The following KIAA0319 variants were observed in gnomAD, a reference collection of about 807,000 sequenced individuals.
KIAA0319 encodes the protein dyslexia-associated protein KIAA0319.
A neutral mutation model predicts 108.4 loss-of-function variants in KIAA0319; 83 were observed. The observed-to-expected ratio is 0.77, with a 90% CI of 0.64 to 0.92. The LOEUF (loss-of-function observed/expected upper bound fraction) is 0.92. Ranked by LOEUF, KIAA0319 falls within the 40% of genes least tolerant of loss-of-function variation. The probability of loss-of-function intolerance (pLI) is 0.00; values close to 1 mark genes in which losing one functional copy is unlikely to be tolerated. For synonymous variants in KIAA0319, 484 were observed against 510.4 expected, an observed-to-expected ratio of 0.95 and a Z score of 0.70; for missense variants, 1,195 against 1,322.4, an observed-to-expected ratio of 0.90 and a Z score of 1.49.
At chr6:24,627,638 A>C (rs1296919795) in intron 1 of KIAA0319, among the ~76,000 whole-genome samples, 1 of 152,196 alleles carries the variant, frequency 6.6e-6, no homozygotes, top group Non-Finnish European at 1.5e-5. Flanking sequence ...CTAGCAGAAT[A>C]AAGAAATGAA....
At chr6:24,606,565 C>G (rs1221724952) in intron 1 of KIAA0319, among the ~76,000 whole-genome samples, 4 of 152,188 alleles carry the variant, frequency 2.6e-5, no homozygotes, top group African/African-American at 9.7e-5. Flanking sequence ...GGATGAAGGT[C>G]TAGGATGCAG....
intron 1 of KIAA0319, among the ~76,000 whole-genome samples, chr6:24,606,210 T>C (rs1352033356): frequency 6.6e-6 from 1 of 152,186 alleles, no homozygotes; most frequent in African/African-American, 2.4e-5. Context: ...GTGTTGGGAT[T>C]ATAGGCGTGA....
intron 5 of KIAA0319, 22 bp from the exon 6 acceptor site, chr6:24,582,368 G>A (rs916733931): frequency 1.7e-5 from 24 of 1,423,532 alleles, no homozygotes; most frequent in Non-Finnish European, 2.3e-5. Context: ...AAATAAATAT[G>A]AGTAGTTATA....
chr6:24,587,464 T>A (rs1020893848), intron 4 of KIAA0319, among the ~76,000 whole-genome samples: 5 of 151,958 alleles, frequency 3.3e-5, no homozygotes, highest in African/African-American at 1.2e-4. Context: ...GTATTTTTAG[T>A]AGAGATGGGG....
intron 10 of KIAA0319, among the ~76,000 whole-genome samples, chr6:24,574,845 C>A (rs552651193): frequency 6.6e-6 from 1 of 152,186 alleles, no homozygotes; most frequent in African/African-American, 2.4e-5. Flanking sequence ...AGGCAAAGCA[C>A]GTTTCTCTGA....
At chr6:24,549,428 A>G (rs920842106) in intron 20 of KIAA0319, among the ~76,000 whole-genome samples, 1 of 151,464 alleles carries the variant, frequency 6.6e-6, no homozygotes, top group African/African-American at 2.4e-5. Flanking sequence ...GGCCCTGCCC[A>G]GATGTTGAAT....
downstream of KIAA0319, among the ~76,000 whole-genome samples, chr6:24,540,652 T>TC (rs150243945): frequency 4.2e-5 from 6 of 143,282 alleles, no homozygotes; most frequent in African/African-American, 1.0e-4. Context: ...CTTTGTTTCT[T>TC]TTTTTTTTTT....
chr6:24,564,403 G>A (rs777942697), intron 14 of KIAA0319, 63 bp from the exon 15 acceptor site: 4 of 1,604,310 alleles, frequency 2.5e-6, no homozygotes, highest in East Asian at 2.2e-5. Context: ...CTGGGCTTCT[G>A]TTGATCCTAA....
intron 16 of KIAA0319, among the ~76,000 whole-genome samples, chr6:24,559,689 G>T (rs1031925897): frequency 7.4e-6 from 1 of 135,918 alleles, no homozygotes; most frequent in African/African-American, 3.3e-5. Flanking sequence ...TTGCAGACAT[G>T]TCTTTCTTTT....
At chr6:24,540,286 T>C (rs1760154888), downstream of KIAA0319, among the ~76,000 whole-genome samples, 2 of 152,228 alleles carry the variant, frequency 1.3e-5, no homozygotes, top group African/African-American at 2.4e-5. Flanking sequence ...CAGGTTTGTT[T>C]ACACCAGCAT....
rs76062429 is a variant in KIAA0319, at chr6:24,640,400, G to A, written c.-106+5336C>T. Among the ~76,000 whole-genome samples, 457 of 152,264 alleles carry A rather than the reference G, an allele frequency of 3.0e-3. 5 individuals carry two copies. The East Asian group carries it at 0.034, about 11-fold the overall frequency. On this transcript the variant is annotated intron_variant, in intron 1 of 20. Coordinates refer to ENST00000378214, the MANE Select transcript of KIAA0319 (RefSeq NM_014809.4). The stretch of plus-strand genomic sequence containing the variant: ...GCAATCCAGTCTGTGGGGACTGACT[G>A]TACATAAAAGGCATGGACTCTTGGA...
chr6:24,589,413 G>A (rs1360166070), intron 3 of KIAA0319, among the ~76,000 whole-genome samples: 1 of 152,162 alleles, frequency 6.6e-6, no homozygotes, highest in East Asian at 1.9e-4. Context: ...CCAGTTCATG[G>A]CTGATATGGC....
At chr6:24,626,762 A>G (rs77072181) in intron 1 of KIAA0319, among the ~76,000 whole-genome samples, 2,519 of 152,272 alleles carry the variant, frequency 0.017, 70 homozygotes, top group African/African-American at 0.056. Flanking sequence ...GGGAGTTTCC[A>G]TTCCAGTGGA....
chr6:24,614,173 T>C (rs566002830), intron 1 of KIAA0319, among the ~76,000 whole-genome samples: 3 of 152,296 alleles, frequency 2.0e-5, no homozygotes, highest in Non-Finnish European at 4.4e-5. Context: ...TTGATTCAAA[T>C]GTTGGAAGGA....
At chr6:24,625,140 A>C (rs1774534539) in intron 1 of KIAA0319, among the ~76,000 whole-genome samples, 1 of 152,242 alleles carries the variant, frequency 6.6e-6, no homozygotes. Context: ...ATTTCTATAA[A>C]ATTGTCTGCC....
At chr6:24,601,739 T>G (rs900511240) in intron 1 of KIAA0319, among the ~76,000 whole-genome samples, 2 of 152,218 alleles carry the variant, frequency 1.3e-5, no homozygotes, top group African/African-American at 4.8e-5. Context: ...AGCCATTAGT[T>G]ATTAATCAAG....
At chr6:24,558,859 C>A (rs1348682515) in intron 17 of KIAA0319, among the ~76,000 whole-genome samples, 154 bp downstream of exon 17, 10 of 152,184 alleles carry the variant, frequency 6.6e-5, no homozygotes. Context: ...TTGGCAAATG[C>A]ATGCTGCAGG....
At chr6:24,580,515 T>C (rs1331393921) in intron 7 of KIAA0319, among the ~76,000 whole-genome samples, 1 of 152,208 alleles carries the variant, frequency 6.6e-6, no homozygotes, top group Non-Finnish European at 1.5e-5. Context: ...ACCACCTGTT[T>C]CTAATTCACA....
chr6:24,643,435 T>A (rs898743863), intron 1 of KIAA0319, among the ~76,000 whole-genome samples: 14 of 152,132 alleles, frequency 9.2e-5, no homozygotes, highest in African/African-American at 3.1e-4. Context: ...TAAAAAAAAT[T>A]TTAAAAACAA....
Sources: allele counts gnomAD v4.1 joint callset (sites outside exome capture counted in the v4.1 genomes callset), GRCh38; gene constraint gnomAD v4.1.1; transcripts MANE v1.5; gene names NCBI Gene and HGNC (gene_info 2026-07-23, HGNC 2026-07-21).